Variants in IQSEC1 observed in about 807,000 individuals in gnomAD.
The protein encoded by IQSEC1 is IQ motif and SEC7 domain-containing protein 1.
A neutral mutation model predicts 91.0 loss-of-function variants in IQSEC1; 31 were observed. The ratio of observed to expected loss-of-function variants is 0.34; its 90% CI spans 0.26 to 0.46. IQSEC1 has a LOEUF of 0.46. Ranked by LOEUF, IQSEC1 falls within the 20% of genes least tolerant of loss-of-function variation. IQSEC1 has a pLI of 1.00. For missense variants in IQSEC1, 1,388 were observed against 1,575.6 expected (o/e 0.88, Z 2.02); for synonymous variants, 699 against 662.6 (o/e 1.05, Z -0.84).
intron 5 of IQSEC1, among the ~76,000 whole-genome samples, chr3:12,921,425 C>T (rs1696620009): frequency 6.6e-6 from 1 of 152,190 alleles, no homozygotes; most frequent in South Asian, 2.1e-4. Context: ...CCGCCCACAC[C>T]CAGCACCAAA....
intron 1 of IQSEC1, among the ~76,000 whole-genome samples, chr3:13,029,252 G>C (rs187100044): frequency 3.9e-5 from 6 of 152,308 alleles, no homozygotes; most frequent in Admixed American, 1.3e-4. Context: ...TGCTCTATGT[G>C]TGACTAATTC....
chr3:12,903,713 CA>C (rs1043611577), intron 12 of IQSEC1, among the ~76,000 whole-genome samples: 11 of 152,180 alleles, frequency 7.2e-5, no homozygotes, highest in Non-Finnish European at 1.6e-4. Flanking sequence ...TTTTGAGGAA[CA>C]CCAAGCCTGG....
Position 12,908,961 on chromosome 3 carries a change from G to A in IQSEC1, c.2578+312C>T, listed in dbSNP as rs1045153962. ...GACCCATCAGTCGGTTGAGCCTGAT[G>A]CAGAAGATGACGAGGTGCAGAGAGG... On this transcript the variant is annotated intron_variant, in intron 11 of 13. Transcript: ENST00000613206. This position sits in a 1 kb window ranked among gnomAD's most constrained non-coding sequence, Gnocchi z 4.9. 6.6e-6 allele frequency among the ~76,000 whole-genome samples: 1 copy of A among 152,214 alleles called. No homozygotes were observed. The highest frequency in any genetic ancestry group is 1.5e-5 in the Non-Finnish European group (1 of 68,038).
intron 1 of IQSEC1, among the ~76,000 whole-genome samples, chr3:13,174,554 C>A (rs1297858852): frequency 6.6e-6 from 1 of 152,164 alleles, no homozygotes; most frequent in African/African-American, 2.4e-5. Context: ...ATCTTCCACA[C>A]CCTGCTGTCA....
intron 1 of IQSEC1, among the ~76,000 whole-genome samples, chr3:13,219,036 T>G (rs1339238395): frequency 2.0e-5 from 3 of 152,134 alleles, no homozygotes; most frequent in African/African-American, 7.2e-5. Context: ...AGCAGCAGCT[T>G]TCCCCTGGGC....
chr3:12,986,274 C>G (rs181910339), intron 1 of IQSEC1, among the ~76,000 whole-genome samples: 4 of 152,148 alleles, frequency 2.6e-5, no homozygotes, highest in Non-Finnish European at 5.9e-5. Flanking sequence ...CCGACTTTTT[C>G]CCCAGAGGCC....
At position 12,989,691 on chromosome 3, in the gene IQSEC1, G is replaced by A. The variant is rs77960354; in HGVS notation, c.24-47826C>T. 8.3e-3 allele frequency among the ~76,000 whole-genome samples: 1,264 copies of A among 152,326 alleles called. 18 individuals carry two copies. Among genetic ancestry groups the A allele is most frequent in the African/African-American group, 0.029 (1,201 of 41,564 alleles). ...CACACACCTGAGCTTACCACGATCT[G>A]TGGGATTCAGTCCCTCTTGTCCTCA... is the stretch of plus-strand genomic sequence containing the variant. On this transcript the variant is annotated intron_variant, in intron 1 of 13. Transcript: ENST00000613206.
Position 12,936,176 on chromosome 3 carries a change from G to A in IQSEC1, c.840C>T (p.Asp280=), listed in dbSNP as rs370536991. The change falls in exon 3 of 14, where the codon GAC becomes GAT. Residue 280 remains aspartate (D), a synonymous_variant. Coordinates refer to ENST00000613206, the MANE Select transcript of IQSEC1 (RefSeq NM_001134382.3). The stretch of plus-strand genomic sequence containing the variant: ...CATCACTGTACGAGGCCGTCATCTC[G>A]TCCAGTTTGCGGTGGTCCATGCCGT... ...ALHGMDHRKL[D]EMTASYSDVT... 7.4e-6 allele frequency: 12 copies of A among 1,612,742 alleles called. No homozygotes were observed. The highest frequency in any genetic ancestry group is 2.7e-5 in the African/African-American group (2 of 74,926).
chr3:12,899,559 C>A lies in IQSEC1; in HGVS notation c.*1424G>T. 6.7e-7 allele frequency: 1 copy of A among 1,496,234 alleles called. No individual in the cohort carries two copies. 92.7% of individuals were successfully genotyped at this position (1,496,234 alleles called of 1,614,324 possible). ...AGCACAGCTGAGAGTCATGTGATGC[C>A]CTGGCAGCTCACTGGACCATGGGAA... On this transcript the variant is annotated 3_prime_UTR_variant, in exon 14 of 14. Coordinates refer to ENST00000613206, the MANE Select transcript of IQSEC1 (RefSeq NM_001134382.3).
Position 12,908,254 on chromosome 3 carries a change from G to T in IQSEC1, c.2755+95C>A, listed in dbSNP as rs1387587995. 2 of 1,346,380 alleles carry T rather than the reference G, an allele frequency of 1.5e-6. No individual in the cohort carries two copies. The highest frequency in any genetic ancestry group is 2.4e-5 in the East Asian group (1 of 42,160). The allele number at this position is 1,346,380 out of a possible 1,614,324, so 83.4% of individuals were successfully genotyped here. On this transcript the variant is annotated intron_variant, in intron 12 of 13. Transcript: ENST00000613206. The surrounding 1 kb of genome is among the most constrained non-coding windows in gnomAD (Gnocchi z 4.9). ...AAATGCCGCACTGGCTTCGCCGCAG[G>T]CCCTGCCCCGCGTGATGCATGCCCT...
At chr3:13,011,718 C>T (rs1238073351) in intron 1 of IQSEC1, among the ~76,000 whole-genome samples, 1 of 152,270 alleles carries the variant, frequency 6.6e-6, no homozygotes, top group African/African-American at 2.4e-5. Flanking sequence ...CGTCACATTT[C>T]ACACCCCTGT....
At chr3:13,278,238 C>T (rs1009225888) in intron 1 of IQSEC1, among the ~76,000 whole-genome samples, 12 of 152,302 alleles carry the variant, frequency 7.9e-5, no homozygotes, top group Admixed American at 2.0e-4. Flanking sequence ...GCAGGCCACT[C>T]CACTGGGCTT....
chr3:13,128,526 T>C lies in IQSEC1; in HGVS notation c.302+35578A>G, dbSNP rs1391924808. ...TAAATCCCACTTAGTTGCAGTGTAA[T>C]TTTTTTATACATTGATGGATTAGAT... On this transcript the variant is annotated intron_variant, in intron 2 of 15. Coordinates refer to the IQSEC1 transcript ENST00000648114. Among the ~76,000 whole-genome samples the C allele has an allele frequency of 3.3e-5, 5 of 152,144 alleles. No homozygotes were observed. In the East Asian group the frequency reaches 9.6e-4, roughly 29 times the overall value.
intron 2 of IQSEC1, among the ~76,000 whole-genome samples, chr3:13,144,987 G>A (rs911964012): frequency 4.6e-5 from 7 of 152,320 alleles, no homozygotes; most frequent in South Asian, 2.1e-4. Flanking sequence ...AAAAGGCAGC[G>A]GCCAGTCCCG....
intron 10 of IQSEC1, among the ~76,000 whole-genome samples, chr3:12,910,585 G>T (rs1019853691): frequency 5.8e-4 from 88 of 152,236 alleles, no homozygotes; most frequent in African/African-American, 1.8e-3. Context: ...GGCAGGAGGT[G>T]GGGAGGCGGC....
At chr3:13,004,623 G>A (rs1702556736) in intron 1 of IQSEC1, among the ~76,000 whole-genome samples, 1 of 152,170 alleles carries the variant, frequency 6.6e-6, no homozygotes, top group South Asian at 2.1e-4. Context: ...GCTTCGAAAG[G>A]CCCAGAGCAG....
intron 2 of IQSEC1, among the ~76,000 whole-genome samples, chr3:13,096,537 C>T (rs1366618212): frequency 6.6e-6 from 1 of 152,218 alleles, no homozygotes; most frequent in East Asian, 1.9e-4. Flanking sequence ...GAAGACACCA[C>T]AGAGGAGGTG....
intron 1 of IQSEC1, among the ~76,000 whole-genome samples, chr3:13,190,010 T>C (rs563890071): frequency 3.0e-4 from 45 of 152,332 alleles, no homozygotes; most frequent in Non-Finnish European, 5.3e-4. Flanking sequence ...AAGCAGCTCA[T>C]GGCCCCACCG....
At chr3:13,228,424 C>G (rs908140801) in intron 1 of IQSEC1, among the ~76,000 whole-genome samples, 1 of 152,214 alleles carries the variant, frequency 6.6e-6, no homozygotes, top group Non-Finnish European at 1.5e-5. Flanking sequence ...TAGCTGGAGA[C>G]AGCCACAACC....
Sources: allele counts gnomAD v4.1 joint callset (sites outside exome capture counted in the v4.1 genomes callset), GRCh38; gene constraint gnomAD v4.1.1; non-coding constraint Gnocchi (gnomAD v3.1); transcripts MANE v1.5; gene names NCBI Gene and HGNC (gene_info 2026-07-23, HGNC 2026-07-21).